The following NRG4 variants were observed in gnomAD, a reference collection of about 807,000 sequenced individuals.
NRG4 encodes neuregulin 4, also known as pro-neuregulin-4, membrane-bound isoform.
NRG4 carries 10 observed loss-of-function variants against 15.0 expected under a neutral mutation model. The ratio of observed to expected loss-of-function variants is 0.67; its 90% CI spans 0.41 to 1.13. NRG4 has a LOEUF of 1.13. Among genes scored for constraint, NRG4 ranks in the 50% most tolerant of loss-of-function variants. NRG4 has a pLI of 0.00. For missense variants in NRG4, 139 were observed against 140.2 expected, an observed-to-expected ratio of 0.99 and a Z score of 0.04; for synonymous variants, 41 against 50.1, an observed-to-expected ratio of 0.82 and a Z score of 0.77.
At chr15:75,945,166 T>A (rs1449953202) in intron 5 of NRG4, among the ~76,000 whole-genome samples, 1 of 152,174 alleles carries the variant, frequency 6.6e-6, no homozygotes, top group East Asian at 1.9e-4. Context: ...CCAAACTTGT[T>A]TATATCAGAT....
At chr15:76,049,246 T>C (rs1233809490) in intron 4 of NRG4, among the ~76,000 whole-genome samples, 1 of 150,832 alleles carries the variant, frequency 6.6e-6, no homozygotes, top group African/African-American at 2.5e-5. Flanking sequence ...GTATATTTCC[T>C]CAGTATACAT....
chr15:75,961,691 A>G, intron 4 of NRG4, 137 bp downstream of exon 4: 1 of 618,222 alleles, frequency 1.6e-6, no homozygotes, highest in Non-Finnish European at 2.7e-6. Flanking sequence ...AATTAGTAAC[A>G]AAAACTGTAT....
Position 75,941,751 on chromosome 15 carries a change from A to G in NRG4, c.*1887T>C, listed in dbSNP as rs335718. 150,430 of 152,188 alleles carry G rather than the reference A, an allele frequency of 0.99. 74,368 individuals are homozygous for G. Among genetic ancestry groups the G allele is most frequent in the East Asian group, 1 (5,175 of 5,176 alleles). 9.4% of individuals were successfully genotyped at this position (152,188 alleles called of 1,614,324 possible). Reference sequence around the variant, plus strand: ...ACAAAGATTACGTTTTGTCACAGGGAGCAGGAGGGAATGGGAATTTATTGT... The same window carrying G: ...ACAAAGATTACGTTTTGTCACAGGGGGCAGGAGGGAATGGGAATTTATTGT... On this transcript the variant is annotated 3_prime_UTR_variant, in exon 6 of 6. Transcript: ENST00000394907.
At chr15:75,952,567 T>TTC (rs2031970658) in intron 5 of NRG4, among the ~76,000 whole-genome samples, 1 of 151,982 alleles carries the variant, frequency 6.6e-6, no homozygotes. Flanking sequence ...TGCATTTTTT[T>TTC]TTCTTTTTTT....
chr15:75,983,681 T>C (rs2033688523), intron 3 of NRG4, among the ~76,000 whole-genome samples: 1 of 151,814 alleles, frequency 6.6e-6, no homozygotes, highest in Non-Finnish European at 1.5e-5. Context: ...CATAAAGAAA[T>C]CACTAGCTTT....
Position 76,011,215 on chromosome 15 carries a change from A to G in NRG4, c.10+6T>C. The G allele has an allele frequency of 7.0e-7, 1 of 1,438,374 alleles. No individual in the cohort carries two copies. The highest frequency in any genetic ancestry group is 9.2e-7 in the Non-Finnish European group (1 of 1,086,088). 89.1% of individuals were successfully genotyped at this position (1,438,374 alleles called of 1,614,324 possible). On this transcript the variant is annotated splice_donor_region_variant and intron_variant, in intron 2 of 5. Coordinates refer to ENST00000394907, the MANE Select transcript of NRG4 (RefSeq NM_138573.4). ...GACAAAAACATATAAATATATAAGA[A>G]ATTACCTGTTGGCATCTTAATTTGT... is the stretch of plus-strand genomic sequence containing the variant.
At chr15:75,949,745 GA>G (rs2031766218) in intron 5 of NRG4, among the ~76,000 whole-genome samples, 1 of 151,988 alleles carries the variant, frequency 6.6e-6, no homozygotes. Context: ...GACCCATTTT[GA>G]ATTTTTTTTG....
At chr15:76,002,151 C>A (rs2141893249) in intron 3 of NRG4, among the ~76,000 whole-genome samples, 1 of 152,256 alleles carries the variant, frequency 6.6e-6, no homozygotes, top group Middle Eastern at 3.4e-3. Flanking sequence ...ATGGACTTAT[C>A]ACTAAACATA....
intron 5 of NRG4, chr15:75,945,847 T>G (rs2031468461): frequency 6.6e-6 from 1 of 152,102 alleles, no homozygotes; most frequent in Non-Finnish European, 1.5e-5. Flanking sequence ...AGTGGATGCC[T>G]GAAATCACAG....
chr15:76,028,057 A>G (rs1441390283), intron 5 of NRG4, among the ~76,000 whole-genome samples: 1 of 152,154 alleles, frequency 6.6e-6, no homozygotes, highest in Non-Finnish European at 1.5e-5. Flanking sequence ...ATAAATGTCT[A>G]CACAAAAAAC....
chr15:76,057,748 G>C lies in NRG4; in HGVS notation c.-327-729C>G, dbSNP rs1044661469. Among the ~76,000 whole-genome samples, 5 of 151,918 alleles carry C rather than the reference G, an allele frequency of 3.3e-5. No individual in the cohort carries two copies. In the South Asian group the frequency reaches 1.0e-3, roughly 32 times the overall value. On this transcript the variant is annotated intron_variant, in intron 1 of 8. Coordinates refer to the NRG4 transcript ENST00000563910. ...ATTACTCAGAAAAGGACAAAACCCA[G>C]AACACTTAAGACACACGTAAACTTT...
At chr15:76,028,903 C>CAGAAAAAAAAAAAAAAAAAAAAAAAAAA (rs1167656818) in intron 5 of NRG4, among the ~76,000 whole-genome samples, 1 of 54,288 alleles carries the variant, frequency 1.8e-5, no homozygotes, top group African/African-American at 6.7e-5. Flanking sequence ...ACTCCTCCTC[C>CAGAAAAAAAAAAAAAAAAAAAAAAAAAA]AAAAAAAAAA....
chr15:75,936,358 C>G (rs988245751), downstream of NRG4: 6 of 152,066 alleles, frequency 3.9e-5, no homozygotes, highest in Admixed American at 1.3e-4. Flanking sequence ...GTTAAATGAA[C>G]AAAGTGAATA....
chr15:75,940,564 G>A (rs1335882378), downstream of NRG4: 2 of 151,730 alleles, frequency 1.3e-5, no homozygotes, highest in African/African-American at 4.8e-5. Flanking sequence ...CAAATTGGAG[G>A]ACTTAAACCT....
At chr15:76,055,437 A>ATCAC (rs1165150971) in intron 2 of NRG4, among the ~76,000 whole-genome samples, 3 of 152,226 alleles carry the variant, frequency 2.0e-5, no homozygotes, top group African/African-American at 7.2e-5. Flanking sequence ...CATCCTTAAA[A>ATCAC]TCACTGTGCT....
intron 5 of NRG4, among the ~76,000 whole-genome samples, chr15:76,023,885 A>G (rs569780632): frequency 3.3e-5 from 5 of 152,336 alleles, no homozygotes; most frequent in South Asian, 4.1e-4. Flanking sequence ...TGAGCCAGCT[A>G]AACTGCTGCA....
chr15:75,947,429 A>G (rs1301730674), intron 5 of NRG4, among the ~76,000 whole-genome samples: 1 of 152,176 alleles, frequency 6.6e-6, no homozygotes, highest in East Asian at 1.9e-4. Context: ...GCCTGCCCTG[A>G]ATCCTCTCTC....
intron 5 of NRG4, among the ~76,000 whole-genome samples, chr15:75,952,678 C>T (rs1300349833): frequency 6.6e-6 from 1 of 151,984 alleles, no homozygotes; most frequent in South Asian, 2.1e-4. Flanking sequence ...CCACTGCGGC[C>T]TCCCAATAGC....
chr15:76,017,224 CGT>C (rs2035008049), upstream of NRG4, among the ~76,000 whole-genome samples: 1 of 120,866 alleles, frequency 8.3e-6, no homozygotes, highest in Admixed American at 1.0e-4. Context: ...TTATTTTGAG[CGT>C]GTGTTTCTTT....
Sources: gnomAD v4.1 joint callset for allele counts (sites outside exome capture counted in the v4.1 genomes callset) on GRCh38, gnomAD v4.1.1 for gene constraint, MANE v1.5 for transcripts, NCBI Gene and HGNC (gene_info 2026-07-23, HGNC 2026-07-21) for gene names.